ARMH4: variants seen among roughly 807,000 people sequenced by gnomAD.
The protein encoded by ARMH4 is armadillo-like helical domain-containing protein 4.
ARMH4 carries 49 observed loss-of-function variants against 61.9 expected under a neutral mutation model. The ratio of observed to expected loss-of-function variants is 0.79; its 90% CI spans 0.63 to 1.00. ARMH4 has a LOEUF of 1.00. Among genes scored for constraint, ARMH4 ranks in the 50% least tolerant of loss-of-function variants. ARMH4 has a pLI of 0.00. For missense variants in ARMH4, 934 were observed against 930.0 expected, an observed-to-expected ratio of 1.00 and a Z score of -0.06; for synonymous variants, 368 against 341.5, an observed-to-expected ratio of 1.08 and a Z score of -0.85.
At chr14:58,060,784 C>T in intron 5 of ARMH4, among the ~76,000 whole-genome samples, 1 of 152,168 alleles carries the variant, frequency 6.6e-6, no homozygotes, top group East Asian at 1.9e-4. Context: ...TGGGCTGGCA[C>T]AGGGCTTTTC....
chr14:58,053,800 T>A (rs1884227799), intron 5 of ARMH4, among the ~76,000 whole-genome samples: 1 of 152,182 alleles, frequency 6.6e-6, no homozygotes, highest in Non-Finnish European at 1.5e-5. Context: ...ATAACTTTTG[T>A]TAGTGGAGAA....
At position 58,138,311 on chromosome 14, in the gene ARMH4, G is replaced by A. The variant is rs1344246410; in HGVS notation, c.1048C>T (p.His350Tyr). ...GGCTGGCCTCCTTCCATACCCTCAT[G>A]GCTTACTTGTGCTGTCTGAGACATC... ...TEMSQTAQVS[H>Y]EGMEGGQPWT... Residue 350 changes from histidine to tyrosine, a missense_variant, in exon 2 of 8, where the codon CAT becomes TAT. By Grantham distance (83) the His-to-Tyr change is moderately conservative (BLOSUM62 2). Transcript: ENST00000267485. 6.2e-7 allele frequency: 1 copy of A among 1,614,204 alleles called. No individual in the cohort carries two copies. The highest frequency in any genetic ancestry group is 8.5e-7 in the Non-Finnish European group (1 of 1,180,030).
At chr14:58,113,363 C>T (rs1886415973) in intron 4 of ARMH4, among the ~76,000 whole-genome samples, 1 of 152,156 alleles carries the variant, frequency 6.6e-6, no homozygotes, top group Non-Finnish European at 1.5e-5. Flanking sequence ...GTCTATTCTA[C>T]TGGTGATGAT....
chr14:58,093,238 G>A (rs1027336988), intron 5 of ARMH4, among the ~76,000 whole-genome samples: 8 of 152,116 alleles, frequency 5.3e-5, no homozygotes, highest in Admixed American at 5.2e-4. Context: ...AAATTACCCA[G>A]TCTTGGGTAT....
chr14:58,142,988 T>C (rs1032999981), intron 1 of ARMH4, among the ~76,000 whole-genome samples: 1 of 152,180 alleles, frequency 6.6e-6, no homozygotes, highest in Non-Finnish European at 1.5e-5. Flanking sequence ...TGTACCATCT[T>C]GGAAATGGGT....
chr14:58,095,430 G>A (rs1376137902), intron 5 of ARMH4, among the ~76,000 whole-genome samples: 2 of 152,202 alleles, frequency 1.3e-5, no homozygotes, highest in African/African-American at 2.4e-5. Flanking sequence ...ATGTAGAACA[G>A]AAGCATTTCA....
chr14:58,023,296 CTAAGGTCATGT>C (rs1418343360), intron 5 of ARMH4, among the ~76,000 whole-genome samples: 10 of 152,138 alleles, frequency 6.6e-5, no homozygotes, highest in Non-Finnish European at 1.0e-4. Context: ...GCTTGGTGAG[CTAAGGTCATGT>C]AATATTCTAA....
intron 1 of ARMH4, among the ~76,000 whole-genome samples, chr14:58,144,669 C>A (rs1379942614): frequency 1.3e-5 from 2 of 152,160 alleles, no homozygotes; most frequent in Non-Finnish European, 2.9e-5. Context: ...AGATTGAGAC[C>A]ATCCTGGCTA....
chr14:58,017,819 T>C (rs979545616), intron 5 of ARMH4, among the ~76,000 whole-genome samples: 2 of 152,010 alleles, frequency 1.3e-5, no homozygotes, highest in African/African-American at 4.8e-5. Context: ...TAAAGCAATC[T>C]TCAACAGCAA....
At chr14:58,046,303 T>A (rs1308393121) in intron 5 of ARMH4, among the ~76,000 whole-genome samples, 1 of 152,190 alleles carries the variant, frequency 6.6e-6, no homozygotes, top group African/African-American at 2.4e-5. Context: ...GATGTTCTAA[T>A]GACCTGAGTC....
chr14:58,042,368 G>A (rs1202230527), intron 5 of ARMH4, among the ~76,000 whole-genome samples: 4 of 152,184 alleles, frequency 2.6e-5, no homozygotes, highest in Non-Finnish European at 1.5e-5. Flanking sequence ...ATAACGAAAT[G>A]AAGGCAGAAA....
At chr14:58,054,211 T>A (rs1884241569) in intron 5 of ARMH4, among the ~76,000 whole-genome samples, 1 of 152,198 alleles carries the variant, frequency 6.6e-6, no homozygotes, top group South Asian at 2.1e-4. Flanking sequence ...AGTCTGTGAC[T>A]CTGCCTGTGA....
At chr14:58,150,574 G>T (rs780057861) in intron 1 of ARMH4, among the ~76,000 whole-genome samples, 1 of 152,126 alleles carries the variant, frequency 6.6e-6, no homozygotes, top group Non-Finnish European at 1.5e-5. Flanking sequence ...GGAAACTCCG[G>T]AATATGTAGT....
At chr14:58,012,235 G>GT (rs1026459074) in intron 5 of ARMH4, 85 bp from the exon 6 acceptor site, 5 of 781,192 alleles carry the variant, frequency 6.4e-6, no homozygotes, top group East Asian at 6.1e-5. Context: ...AAATTAAAGA[G>GT]TTTTTTGTAT....
At chr14:58,148,473 T>C (rs1203430265) in intron 1 of ARMH4, among the ~76,000 whole-genome samples, 6 of 152,178 alleles carry the variant, frequency 3.9e-5, no homozygotes, top group African/African-American at 1.4e-4. Context: ...CTAGCTCCTG[T>C]AGCATGAATT....
In ARMH4 at chr14:58,030,808, T is replaced by C. The variant is rs546942292; in HGVS notation, c.2090-18658A>G. On this transcript the variant is annotated intron_variant, in intron 5 of 7. Transcript: ENST00000267485. ...AGAACTAACTTCCTTTTTAAGCATA[T>C]GTCAGAATTTCCTTCCTTTTTATGG... Among the ~76,000 whole-genome samples, 60 of 152,334 alleles carry C rather than the reference T, an allele frequency of 3.9e-4. 1 individual carries two copies. Among genetic ancestry groups the C allele is most frequent in the East Asian group, 1.2e-3 (6 of 5,188 alleles).
intron 4 of ARMH4, among the ~76,000 whole-genome samples, chr14:58,117,974 G>A (rs1299022892): frequency 1.3e-5 from 2 of 151,602 alleles, no homozygotes; most frequent in East Asian, 3.9e-4. Context: ...ATGTTTCCCA[G>A]ACTAGTCTCA....
chr14:58,026,923 G>A (rs1314866695), intron 5 of ARMH4, among the ~76,000 whole-genome samples: 3 of 152,188 alleles, frequency 2.0e-5, no homozygotes, highest in Non-Finnish European at 4.4e-5. Flanking sequence ...TGGAGTTTCT[G>A]ACATGATTCT....
At chr14:58,078,625 T>A (rs1256924272) in intron 5 of ARMH4, among the ~76,000 whole-genome samples, 1 of 152,226 alleles carries the variant, frequency 6.6e-6, no homozygotes, top group African/African-American at 2.4e-5. Flanking sequence ...GTCAGCAAAC[T>A]TTTTCTGTAA....
Sources: gnomAD v4.1 joint callset for allele counts (sites outside exome capture counted in the v4.1 genomes callset) on GRCh38, gnomAD v4.1.1 for gene constraint, MANE v1.5 for transcripts, NCBI Gene and HGNC (gene_info 2026-07-23, HGNC 2026-07-21) for gene names.